HSD17B12: variants seen among roughly 807,000 people sequenced by gnomAD.
HSD17B12 encodes very-long-chain 3-oxoacyl-CoA reductase.
In HSD17B12, 32 loss-of-function variants were observed where a neutral mutation model predicts 39.3. The ratio of observed to expected loss-of-function variants is 0.81; its 90% confidence interval spans 0.61 to 1.09. HSD17B12 has a LOEUF of 1.09. Among genes scored for constraint, HSD17B12 ranks in the 50% least tolerant of loss-of-function variants. HSD17B12 has a pLI of 0.00. For synonymous variants in HSD17B12, 150 were observed against 146.7 expected (o/e 1.02, Z -0.16); for missense variants, 342 against 382.9 (o/e 0.89, Z 0.89).
At chr11:43,708,022 G>A (rs1950031002) in intron 1 of HSD17B12, among the ~76,000 whole-genome samples, 1 of 151,966 alleles carries the variant, frequency 6.6e-6, no homozygotes, top group Non-Finnish European at 1.5e-5. Context: ...TTTTTGTAAG[G>A]GCATTAATCC....
intron 2 of HSD17B12, among the ~76,000 whole-genome samples, chr11:43,753,720 T>A (rs965105323): frequency 2.0e-5 from 3 of 152,010 alleles, no homozygotes; most frequent in African/African-American, 7.2e-5. Flanking sequence ...GGCATAAAAC[T>A]TTTTTAAAGC....
chr11:43,676,375 C>G (rs964630756), upstream of HSD17B12, among the ~76,000 whole-genome samples: 1 of 152,034 alleles, frequency 6.6e-6, no homozygotes, highest in African/African-American at 2.4e-5. Context: ...TGAGCCTGGA[C>G]AGAGACATTT....
chr11:43,682,203 G>T (rs1949752751), intron 1 of HSD17B12, among the ~76,000 whole-genome samples: 2 of 152,160 alleles, frequency 1.3e-5, no homozygotes, highest in South Asian at 4.1e-4. Flanking sequence ...ATCTTTGGAC[G>T]ATGTGGAGCA....
chr11:43,622,052 G>A, the HSD17B12 span, among the ~76,000 whole-genome samples: 7 of 152,124 alleles, frequency 4.6e-5, no homozygotes, highest in South Asian at 2.1e-4. Context: ...TCACAGAATC[G>A]GCTATGTAGC....
intron 3 of HSD17B12, among the ~76,000 whole-genome samples, chr11:43,785,241 A>G (rs1489201781): frequency 6.6e-6 from 1 of 152,158 alleles, no homozygotes; most frequent in Non-Finnish European, 1.5e-5. Context: ...ACATCTTTCT[A>G]TAGGTGTTTC....
At chr11:43,833,988 A>C (rs1240369222) in intron 7 of HSD17B12, 1 of 152,210 alleles carries the variant, frequency 6.6e-6, no homozygotes, top group East Asian at 1.9e-4. Flanking sequence ...AACCATGGGA[A>C]AGCTAAAAAT....
At chr11:43,767,411 T>A (rs1950605391) in intron 3 of HSD17B12, among the ~76,000 whole-genome samples, 1 of 152,158 alleles carries the variant, frequency 6.6e-6, no homozygotes, top group South Asian at 2.1e-4. Context: ...AATTTAGTAG[T>A]TTTATGTGGG....
intron 1 of HSD17B12, among the ~76,000 whole-genome samples, chr11:43,690,404 A>ATATTTTTT (rs1554959942): frequency 2.8e-4 from 7 of 24,956 alleles, no homozygotes; most frequent in African/African-American, 3.8e-4. Flanking sequence ...ATATATATAT[A>ATATTTTTT]TTTTTTTTTT....
Position 43,850,361 on chromosome 11 carries a change from T to A in HSD17B12, c.685-4354T>A, listed in dbSNP as rs548444592. 3.9e-5 allele frequency among the ~76,000 whole-genome samples: 6 copies of A among 152,324 alleles called. No homozygotes were observed. The East Asian group carries it at 1.2e-3, about 29-fold the overall frequency. ...AATGGAGTTTTCCTAATATTCTTCATAGGAGCCCCAGCTTCTGCCTTAAGA... is the reference window on the plus strand; with the variant it reads ...AATGGAGTTTTCCTAATATTCTTCAAAGGAGCCCCAGCTTCTGCCTTAAGA... On this transcript the variant is annotated intron_variant, in intron 9 of 10. Transcript: ENST00000278353.
Position 43,756,535 on chromosome 11 carries a change from G to T in HSD17B12, c.283+2414G>T, listed in dbSNP as rs547538756. 1.2e-4 allele frequency among the ~76,000 whole-genome samples: 19 copies of T among 152,252 alleles called. No homozygotes were observed. The East Asian group carries it at 3.7e-3, about 29-fold the overall frequency. ...AGTCTTGTATATAATAACTCTTAAAGTGATTTAAAAAATGTTGTGTTTGTG... is the reference window on the plus strand; with the variant it reads ...AGTCTTGTATATAATAACTCTTAAATTGATTTAAAAAATGTTGTGTTTGTG... On this transcript the variant is annotated intron_variant, in intron 3 of 10. Coordinates refer to ENST00000278353, the MANE Select transcript of HSD17B12 (RefSeq NM_016142.3).
chr11:43,813,886 G>A (rs1951095701), intron 4 of HSD17B12, among the ~76,000 whole-genome samples: 2 of 152,176 alleles, frequency 1.3e-5, no homozygotes, highest in Non-Finnish European at 2.9e-5. Context: ...ACAGGTTTCA[G>A]TGGTATTGTT....
chr11:43,704,255 A>G (rs888012968), intron 1 of HSD17B12, among the ~76,000 whole-genome samples: 5 of 152,260 alleles, frequency 3.3e-5, no homozygotes, highest in Non-Finnish European at 5.9e-5. Context: ...GATTAGAGGC[A>G]TAAGTTGATG....
the HSD17B12 span, among the ~76,000 whole-genome samples, chr11:43,649,091 A>G: frequency 6.6e-6 from 1 of 151,920 alleles, no homozygotes; most frequent in Non-Finnish European, 1.5e-5. Flanking sequence ...AAGTTGTAGT[A>G]AAAGAGTAGC....
At chr11:43,624,498 A>G in the HSD17B12 span, among the ~76,000 whole-genome samples, 1 of 151,894 alleles carries the variant, frequency 6.6e-6, no homozygotes, top group Admixed American at 6.6e-5. Flanking sequence ...TTCAGTTCAC[A>G]TGGCATTTAT....
At chr11:43,812,261 A>G (rs1356062946) in intron 4 of HSD17B12, among the ~76,000 whole-genome samples, 6 of 152,086 alleles carry the variant, frequency 3.9e-5, no homozygotes, top group Non-Finnish European at 7.4e-5. Context: ...GGATCATGTG[A>G]TAGTTCTATT....
intron 1 of HSD17B12, among the ~76,000 whole-genome samples, chr11:43,714,765 G>C (rs191445333): frequency 2.8e-4 from 43 of 152,242 alleles, no homozygotes; most frequent in Non-Finnish European, 5.1e-4. Flanking sequence ...AGCATGGAAC[G>C]TTCTTCCATT....
chr11:43,850,967 AG>A (rs1219782335), intron 9 of HSD17B12, among the ~76,000 whole-genome samples: 2 of 152,218 alleles, frequency 1.3e-5, no homozygotes, highest in African/African-American at 4.8e-5. Context: ...AGGCTGAGGC[AG>A]GGGAATTGCT....
the HSD17B12 span, among the ~76,000 whole-genome samples, chr11:43,592,189 A>AAC: frequency 6.6e-6 from 1 of 152,060 alleles, no homozygotes; most frequent in Non-Finnish European, 1.5e-5. Context: ...AACACATCAA[A>AAC]ACAGGTTGTT....
At chr11:43,733,801 G>C in intron 1 of HSD17B12, 1 of 712,482 alleles carries the variant, frequency 1.4e-6, no homozygotes, top group Non-Finnish European at 2.5e-6. Context: ...GTTTGGCCTG[G>C]TCTTAGCCGT....
Sources: gnomAD v4.1 joint callset for allele counts (sites outside exome capture counted in the v4.1 genomes callset) on GRCh38, gnomAD v4.1.1 for gene constraint, MANE v1.5 for transcripts, NCBI Gene and HGNC (gene_info 2026-07-23, HGNC 2026-07-21) for gene names.